ZNF385D: variants seen among roughly 807,000 people sequenced by gnomAD.
ZNF385D encodes the protein zinc finger protein 385D, also known as zinc finger protein 659.
ZNF385D carries 15 observed loss-of-function variants against 35.8 expected under a neutral mutation model. The observed-to-expected ratio is 0.42, with a 90% CI of 0.28 to 0.64. The LOEUF is 0.64. ZNF385D is among the 30% of genes least tolerant of loss of function. The pLI is 0.23. For missense variants in ZNF385D, 474 were observed against 494.6 expected, an observed-to-expected ratio of 0.96 and a Z score of 0.39; for synonymous variants, 212 against 186.8, an observed-to-expected ratio of 1.13 and a Z score of -1.10.
intron 1 of ZNF385D, among the ~76,000 whole-genome samples, chr3:21,730,920 T>C (rs2068967297): frequency 6.6e-6 from 1 of 152,212 alleles, no homozygotes; most frequent in Non-Finnish European, 1.5e-5. Flanking sequence ...TTTTACTTAA[T>C]GCTTTTCCTA....
intron 3 of ZNF385D, among the ~76,000 whole-genome samples, chr3:21,873,270 A>G (rs567396064): frequency 6.6e-6 from 1 of 152,250 alleles, no homozygotes; most frequent in South Asian, 2.1e-4. Flanking sequence ...ATCATATGTT[A>G]TAACATTCAA....
chr3:21,789,867 G>T (rs2071854810), intron 3 of ZNF385D, among the ~76,000 whole-genome samples: 1 of 152,152 alleles, frequency 6.6e-6, no homozygotes, highest in East Asian at 1.9e-4. Flanking sequence ...GTGGCTTCTT[G>T]GGTTCTTTCA....
At chr3:22,274,484 T>C (rs1248097418) in intron 2 of ZNF385D, among the ~76,000 whole-genome samples, 2 of 151,964 alleles carry the variant, frequency 1.3e-5, no homozygotes, top group Non-Finnish European at 2.9e-5. Context: ...TGAGGAAGCA[T>C]GGATAATTCG....
At chr3:21,876,719 G>C (rs574307010) in intron 3 of ZNF385D, among the ~76,000 whole-genome samples, 67 of 151,590 alleles carry the variant, frequency 4.4e-4, no homozygotes, top group African/African-American at 1.3e-3. Context: ...ACCAATTAAA[G>C]TTATCCAAAA....
intron 3 of ZNF385D, among the ~76,000 whole-genome samples, chr3:22,154,056 T>C (rs1240169289): frequency 1.3e-5 from 2 of 152,164 alleles, no homozygotes; most frequent in Non-Finnish European, 2.9e-5. Context: ...AAAGGGTTTT[T>C]GGTATATGGA....
chr3:21,613,165 G>A (rs1287083876), intron 2 of ZNF385D, among the ~76,000 whole-genome samples: 1 of 151,512 alleles, frequency 6.6e-6, no homozygotes, highest in Non-Finnish European at 1.5e-5. Flanking sequence ...GTAACAGCAT[G>A]GGTAACATCA....
intron 4 of ZNF385D, among the ~76,000 whole-genome samples, chr3:21,452,007 CAAAT>C (rs1559459390): frequency 1.3e-5 from 2 of 151,960 alleles, no homozygotes; most frequent in African/African-American, 4.8e-5. Flanking sequence ...TATTTCTGCA[CAAAT>C]ATTGCTAAGA....
At chr3:21,670,779 C>A (rs1575432990) in intron 1 of ZNF385D, among the ~76,000 whole-genome samples, 1 of 149,784 alleles carries the variant, frequency 6.7e-6, no homozygotes, top group Non-Finnish European at 1.5e-5. Context: ...ACTTATACCC[C>A]CTCCCTCACT....
chr3:21,979,699 A>C (rs1249392739), intron 3 of ZNF385D: 1 of 152,208 alleles, frequency 6.6e-6, no homozygotes. Context: ...GATGCTGAAA[A>C]AAGAAAGAGA....
At chr3:21,649,485 A>G (rs1386395700) in intron 2 of ZNF385D, among the ~76,000 whole-genome samples, 1 of 152,112 alleles carries the variant, frequency 6.6e-6, no homozygotes, top group East Asian at 1.9e-4. Context: ...GAATCTTACC[A>G]AGAGTGACAC....
At chr3:21,564,750 C>CTATT in intron 2 of ZNF385D, 66 bp from the exon 3 acceptor site, 2 of 1,042,066 alleles carry the variant, frequency 1.9e-6, no homozygotes, top group East Asian at 2.7e-5. Context: ...GGAATTTTGC[C>CTATT]TATTTCATTA....
rs563159146 is a variant in ZNF385D at position 21,603,012 on chromosome 3, T to G, written c.166-38328A>C. Among the ~76,000 whole-genome samples the G allele has an allele frequency of 3.3e-5, 5 of 152,326 alleles. No homozygotes were observed. The South Asian group carries it at 1.0e-3, about 32-fold the overall frequency. On this transcript the variant is annotated intron_variant, in intron 2 of 7. Coordinates refer to ENST00000281523, the MANE Select transcript of ZNF385D (RefSeq NM_024697.3). Reference sequence around the variant, plus strand: ...CCCTCTTGCTTCTTTTATGCCTCTGTCCATATCAGGAAACTTCACCTTTAT... The same window carrying G: ...CCCTCTTGCTTCTTTTATGCCTCTGGCCATATCAGGAAACTTCACCTTTAT...
chr3:21,485,872 T>C (rs2125392180), intron 4 of ZNF385D, among the ~76,000 whole-genome samples: 1 of 151,400 alleles, frequency 6.6e-6, no homozygotes, highest in African/African-American at 2.4e-5. Context: ...CATCTTCTTT[T>C]CCCAAAAAAA....
At chr3:21,480,184 C>G (rs1469189214) in intron 4 of ZNF385D, among the ~76,000 whole-genome samples, 2 of 149,448 alleles carry the variant, frequency 1.3e-5, no homozygotes, top group Non-Finnish European at 3.0e-5. Flanking sequence ...CTCACTGCAA[C>G]CTCTGCCTCT....
intron 1 of ZNF385D, among the ~76,000 whole-genome samples, chr3:21,735,769 T>C (rs1280276214): frequency 2.0e-5 from 3 of 152,202 alleles, no homozygotes; most frequent in Non-Finnish European, 4.4e-5. Context: ...GGAGAATATC[T>C]CTCCAACACA....
chr3:21,448,787 T>C (rs1011603101), intron 4 of ZNF385D, among the ~76,000 whole-genome samples: 12 of 152,132 alleles, frequency 7.9e-5, no homozygotes, highest in Non-Finnish European at 1.0e-4. Flanking sequence ...ATTCCAAATA[T>C]AAACTTATCA....
At chr3:21,727,244 A>C (rs1016803660) in intron 1 of ZNF385D, among the ~76,000 whole-genome samples, 1 of 152,228 alleles carries the variant, frequency 6.6e-6, no homozygotes, top group Non-Finnish European at 1.5e-5. Context: ...AGGCAATACC[A>C]TTCAGGACAT....
chr3:22,278,653 T>C (rs528831751), intron 2 of ZNF385D, among the ~76,000 whole-genome samples: 4 of 152,256 alleles, frequency 2.6e-5, no homozygotes, highest in South Asian at 2.1e-4. Context: ...AATTCAAATA[T>C]GTGTCATTCA....
chr3:21,770,148 A>T (rs1413161790), intron 3 of ZNF385D, among the ~76,000 whole-genome samples: 1 of 152,176 alleles, frequency 6.6e-6, no homozygotes, highest in East Asian at 1.9e-4. Flanking sequence ...AAGAAAACCT[A>T]GGCAATATCA....
Sources: allele counts gnomAD v4.1 joint callset (sites outside exome capture counted in the v4.1 genomes callset), GRCh38; gene constraint gnomAD v4.1.1; transcripts MANE v1.5; gene names NCBI Gene and HGNC (gene_info 2026-07-23, HGNC 2026-07-21).